SRP54: variants seen among roughly 807,000 people sequenced by gnomAD.
SRP54 encodes the protein signal recognition particle subunit SRP54.
SRP54 carries 10 observed loss-of-function variants against 64.8 expected under a neutral mutation model. The observed-to-expected ratio is 0.15, with a 90% CI of 0.10 to 0.26. The LOEUF is 0.26. Ranked by LOEUF, SRP54 falls within the 10% of genes least tolerant of loss-of-function variation. SRP54 has a pLI of 1.00. For missense variants in SRP54, 325 were observed against 613.7 expected, an observed-to-expected ratio of 0.53 and a Z score of 4.97; for synonymous variants, 193 against 185.6, an observed-to-expected ratio of 1.04 and a Z score of -0.32.
Position 35,008,756 on chromosome 14 carries a change from G to GAACT in SRP54, c.428-17_428-14dup, listed in dbSNP as rs778063117. 1.7e-5 allele frequency: 28 copies of GAACT among 1,605,114 alleles called. 1 individual carries two copies. In the South Asian group the frequency reaches 2.9e-4, roughly 17 times the overall value. On this transcript the variant is annotated splice_polypyrimidine_tract_variant and intron_variant, in intron 6 of 15. Transcript: ENST00000216774. ...TTTATTTTCAAGTTTGAGGATTCAT[G>GAACT]AACTCTTTATCTTCCAGGGGCTTTT...
chr14:35,029,334 A>C lies in SRP54; in HGVS notation c.*182A>C. On this transcript the variant is annotated 3_prime_UTR_variant, in exon 16 of 16. Coordinates refer to ENST00000216774, the MANE Select transcript of SRP54 (RefSeq NM_003136.4). Reference sequence around the variant, plus strand: ...TTTCCTTCCTTCTTTCCTCCCTTTAATATAAGGGAGAAATACATGGTTTTT... The same window carrying C: ...TTTCCTTCCTTCTTTCCTCCCTTTACTATAAGGGAGAAATACATGGTTTTT... 1 of 469,378 alleles carries C rather than the reference A, an allele frequency of 2.1e-6. No homozygotes were observed. 29.1% of individuals were successfully genotyped at this position (469,378 alleles called of 1,614,324 possible). A position where few individuals can be genotyped will look rare whatever the true frequency, so the allele number is the denominator to read the frequency against.
At chr14:35,023,676 C>G (rs537223585) in intron 14 of SRP54, among the ~76,000 whole-genome samples, 1 of 151,602 alleles carries the variant, frequency 6.6e-6, no homozygotes, top group Non-Finnish European at 1.5e-5. Context: ...CCCAGCTACT[C>G]GGGAGGCTGA....
At chr14:35,010,824 T>C (rs1280111972) in intron 7 of SRP54, among the ~76,000 whole-genome samples, 1 of 152,080 alleles carries the variant, frequency 6.6e-6, no homozygotes, top group Non-Finnish European at 1.5e-5. Flanking sequence ...GTCAAATGTC[T>C]AATAGTAGGG....
chr14:35,000,289 C>T (rs1036617971), intron 3 of SRP54, among the ~76,000 whole-genome samples: 3 of 152,000 alleles, frequency 2.0e-5, no homozygotes, highest in South Asian at 2.1e-4. Context: ...AGGAAGTAGC[C>T]GGGCGCAGTA....
chr14:35,015,948 C>A (rs1441347923), intron 11 of SRP54, among the ~76,000 whole-genome samples: 3 of 152,188 alleles, frequency 2.0e-5, no homozygotes, highest in Admixed American at 1.3e-4. Flanking sequence ...CCCATCCCAA[C>A]CTCTCACCTC....
At chr14:34,993,947 G>A (rs757393645) in intron 1 of SRP54, among the ~76,000 whole-genome samples, 5 of 151,618 alleles carry the variant, frequency 3.3e-5, no homozygotes, top group South Asian at 2.1e-4. Flanking sequence ...CGCCTGCCTC[G>A]GCCTCCCAAA....
At chr14:34,988,328 C>T (rs1204737276) in intron 1 of SRP54, among the ~76,000 whole-genome samples, 1 of 151,362 alleles carries the variant, frequency 6.6e-6, no homozygotes, top group African/African-American at 2.4e-5. Context: ...CTTTGGGAGG[C>T]TGAGGTGGGT....
chr14:34,986,908 A>T (rs753223234), intron 1 of SRP54, among the ~76,000 whole-genome samples: 1 of 151,634 alleles, frequency 6.6e-6, no homozygotes, highest in Non-Finnish European at 1.5e-5. Flanking sequence ...TTCATCATCC[A>T]GAGATAACAA....
intron 14 of SRP54, among the ~76,000 whole-genome samples, chr14:35,023,787 AACACACACACACACACAC>A (rs57037784): frequency 7.1e-6 from 1 of 140,268 alleles, no homozygotes; most frequent in Non-Finnish European, 1.5e-5. Flanking sequence ...CCGGTCCCCA[AACACACACACACACACAC>A]ACACACACAC....
intron 2 of SRP54, among the ~76,000 whole-genome samples, chr14:34,999,014 GTTT>G (rs67731588): frequency 2.7e-5 from 1 of 36,668 alleles, no homozygotes; most frequent in Non-Finnish European, 4.8e-5. Context: ...TGTGTGTGTG[GTTT>G]TTTTTTTTTT....
Position 35,027,377 on chromosome 14 carries a change from T to C in SRP54, c.1328-711T>C, listed in dbSNP as rs571355784. The stretch of plus-strand genomic sequence containing the variant: ...TCATCTACCAGCCATCCAGTCTCTT[T>C]GCTAATTAACCCATGTCTATAAACT... On this transcript the variant is annotated intron_variant, in intron 14 of 15. Transcript: ENST00000216774. Among the ~76,000 whole-genome samples the C allele has an allele frequency of 3.9e-3, 588 of 152,294 alleles. 6 individuals carry two copies. The highest frequency in any genetic ancestry group is 0.014 in the African/African-American group (571 of 41,576).
chr14:35,005,926 G>A (rs10130509), intron 4 of SRP54, among the ~76,000 whole-genome samples: 25,971 of 151,854 alleles, frequency 0.17, 2,395 homozygotes, highest in East Asian at 0.31. Flanking sequence ...TGCAAGCTCC[G>A]CCACCCGGGT....
chr14:34,991,130 G>T (rs145488656), intron 1 of SRP54, among the ~76,000 whole-genome samples: 3,005 of 55,308 alleles, frequency 0.054, 28 homozygotes, highest in Middle Eastern at 0.08. Context: ...TTTTTTTTTT[G>T]TTGTTGTTGT....
In SRP54 at chr14:35,011,610, A is replaced by G; in HGVS notation, c.587A>G (p.Lys196Arg). 6.3e-7 allele frequency: 1 copy of G among 1,594,226 alleles called. No individual in the cohort carries two copies. Among genetic ancestry groups the G allele is most frequent in the African/African-American group, 1.3e-5 (1 of 74,790 alleles). ...IIIVDTSGRH[K>R]QEDSLFEEML... is the part of the protein sequence containing the mutation. ...ATTGTTGATACAAGTGGCCGCCACA[A>G]ACAAGAAGACTCTTTGTTTGAAGAA... The change falls in exon 8 of 16, where the codon AAA becomes AGA. Residue 196 changes from lysine to arginine, a missense_variant. Lys to Arg is a conservative substitution (Grantham distance 26). This residue lies in a region of SRP54 where 156 missense variants were observed against 254.6 expected (regional missense o/e 0.61). Coordinates refer to ENST00000216774, the MANE Select transcript of SRP54 (RefSeq NM_003136.4).
intron 4 of SRP54, among the ~76,000 whole-genome samples, chr14:35,004,992 C>T (rs982315540): frequency 1.3e-5 from 2 of 152,058 alleles, no homozygotes; most frequent in African/African-American, 4.8e-5. Context: ...CTTTGTGGAC[C>T]ACGTGATTTC....
intron 1 of SRP54, among the ~76,000 whole-genome samples, chr14:34,984,747 C>T (rs2043867294): frequency 6.6e-6 from 1 of 152,246 alleles, no homozygotes; most frequent in Admixed American, 6.5e-5. Context: ...AGTGATCCGC[C>T]TGCTTCGGCC....
At chr14:35,016,783 C>G (rs2044446018) in intron 11 of SRP54, among the ~76,000 whole-genome samples, 1 of 151,592 alleles carries the variant, frequency 6.6e-6, no homozygotes, top group South Asian at 2.1e-4. Context: ...AGGCCTTCAG[C>G]AACTATTGAA....
chr14:35,028,064 A>G (rs2044663151), intron 14 of SRP54, 24 bp from the exon 15 acceptor site: 2 of 1,566,934 alleles, frequency 1.3e-6, no homozygotes, highest in Middle Eastern at 1.7e-4. Flanking sequence ...CGCTGACTCA[A>G]AATCTTTTTT....
At chr14:34,999,737 G>C (rs187187760) in intron 3 of SRP54, 88 bp downstream of exon 3, 4 of 966,688 alleles carry the variant, frequency 4.1e-6, no homozygotes, top group South Asian at 1.4e-5. Context: ...TGCTGTATCA[G>C]GAATCATTTC....
Sources: gnomAD v4.1 joint callset for allele counts (sites outside exome capture counted in the v4.1 genomes callset) on GRCh38, gnomAD v4.1.1 for gene constraint, gnomAD v4.1.1 regional missense constraint, MANE v1.5 for transcripts, NCBI Gene and HGNC (gene_info 2026-07-23, HGNC 2026-07-21) for gene names.